Variants in VPS13C observed in about 807,000 individuals in gnomAD.
The protein encoded by VPS13C is intermembrane lipid transfer protein VPS13C.
VPS13C carries 358 observed loss-of-function variants against 456.8 expected under a neutral mutation model. The ratio of observed to expected loss-of-function variants is 0.78; its 90% CI spans 0.72 to 0.86. The LOEUF is 0.86. Among genes scored for constraint, VPS13C ranks in the 40% least tolerant of loss-of-function variants. VPS13C has a pLI of 0.00. For missense variants in VPS13C, 4,818 were observed against 4,385.4 expected, an observed-to-expected ratio of 1.10 and a Z score of -2.79; for synonymous variants, 1,578 against 1,486.7, an observed-to-expected ratio of 1.06 and a Z score of -1.41.
Position 62,013,973 on chromosome 15 carries a change from G to C in VPS13C, c.704C>G (p.Thr235Ser), listed in dbSNP as rs938924010. 9.9e-6 allele frequency: 16 copies of C among 1,610,306 alleles called. No individual in the cohort carries two copies. The African/African-American group carries it at 1.7e-4, about 18-fold the overall frequency. Residue 235 changes from threonine (T) to serine (S), a missense_variant, in exon 10 of 85, where the codon ACT (threonine) becomes AGT (serine). Physicochemically the swap from Thr to Ser is moderately conservative, Grantham distance 58. Transcript: ENST00000644861. ...GTCTGCTTCATTTAATATGCATGGA[G>C]TCCAGTGTTCATTTGCAGTCTAAAA... ...LSLLTANEHW[T>S]PCILNEADKI...
At chr15:61,860,953 CTTTTTTTTT>C (rs781045840) in intron 82 of VPS13C, among the ~76,000 whole-genome samples, 7 of 89,694 alleles carry the variant, frequency 7.8e-5, no homozygotes, top group South Asian at 4.2e-4. Context: ...TATTTTCTTT[CTTTTTTTTT>C]TTTTTTTTTT....
Position 61,854,148 on chromosome 15 carries a change from AGCCTATT to A in VPS13C, c.*302_*308del, listed in dbSNP as rs1893783531. The A allele has an allele frequency of 2.8e-6, 1 of 358,924 alleles. No individual in the cohort carries two copies. Among genetic ancestry groups the A allele is most frequent in the Non-Finnish European group, 5.1e-6 (1 of 195,912 alleles). The allele number at this position is 358,924 out of a possible 1,614,324, so 22.2% of individuals were successfully genotyped here. On this transcript the variant is annotated 3_prime_UTR_variant, in exon 85 of 85. Coordinates refer to ENST00000644861, the MANE Select transcript of VPS13C (RefSeq NM_020821.3). Reference sequence around the variant, plus strand: ...TTCAGTAAGGCTTTAATTAAATATAAGCCTATTGACCTTTGCTTCACAATTTTAATAT... The same window carrying A: ...TTCAGTAAGGCTTTAATTAAATATAAGACCTTTGCTTCACAATTTTAATAT...
intron 69 of VPS13C, 35 bp downstream of exon 69, chr15:61,882,561 G>C: frequency 3.4e-6 from 5 of 1,455,092 alleles, no homozygotes; most frequent in Non-Finnish European, 4.5e-6. Context: ...TTCCCAAAGT[G>C]ATGATAAATA....
At chr15:61,995,230 T>C (rs2046344341) in intron 16 of VPS13C, among the ~76,000 whole-genome samples, 1 of 152,216 alleles carries the variant, frequency 6.6e-6, no homozygotes, top group African/African-American at 2.4e-5. Flanking sequence ...ATAAAACTTC[T>C]GAACAAAATA....
chr15:62,004,888 G>C (rs2046777730), intron 15 of VPS13C, among the ~76,000 whole-genome samples: 1 of 152,162 alleles, frequency 6.6e-6, no homozygotes, highest in Non-Finnish European at 1.5e-5. Context: ...CTGAGAGATA[G>C]TTTGCTATAA....
intron 66 of VPS13C, 24 bp downstream of exon 66, chr15:61,907,240 G>C (rs1408941788): frequency 1.2e-6 from 2 of 1,612,958 alleles, no homozygotes; most frequent in South Asian, 1.1e-5. Flanking sequence ...AACTCATATA[G>C]CACTCATTCA....
intron 5 of VPS13C, among the ~76,000 whole-genome samples, chr15:62,033,103 G>A (rs1372196476): frequency 2.0e-5 from 3 of 151,098 alleles, no homozygotes; most frequent in African/African-American, 7.3e-5. Flanking sequence ...CAAGAACACG[G>A]GTAAACATGC....
intron 61 of VPS13C, among the ~76,000 whole-genome samples, chr15:61,914,816 C>T (rs907752990): frequency 1.4e-5 from 2 of 146,782 alleles, no homozygotes; most frequent in Admixed American, 6.8e-5. Context: ...CAGCCTCAGC[C>T]TCGCAAAGTG....
intron 5 of VPS13C, among the ~76,000 whole-genome samples, chr15:62,030,108 G>A (rs909218426): frequency 1.3e-5 from 2 of 151,984 alleles, no homozygotes; most frequent in African/African-American, 4.8e-5. Context: ...ACCAACAGAT[G>A]GGTTTACACG....
intron 15 of VPS13C, among the ~76,000 whole-genome samples, chr15:62,002,370 GT>G (rs926462131): frequency 2.0e-5 from 3 of 152,018 alleles, no homozygotes; most frequent in Non-Finnish European, 4.4e-5. Flanking sequence ...GGGGTTGTTT[GT>G]TTTTTTCTTG....
rs2047527671 is a variant in VPS13C, at chr15:62,023,354, C to T, written c.624+57G>A. ...ACAGATAATCCACATATAGAAAAGT[C>T]AAGAATATTATAAAATACATATTTA... On this transcript the variant is annotated intron_variant, in intron 8 of 84. Transcript: ENST00000644861. 14 of 1,117,654 alleles carry T rather than the reference C, an allele frequency of 1.3e-5. No individual in the cohort carries two copies. In the South Asian group the frequency reaches 2.5e-4, roughly 20 times the overall value. 69.2% of individuals were successfully genotyped at this position (1,117,654 alleles called of 1,614,324 possible).
chr15:61,914,721 C>T (rs1272416543), intron 61 of VPS13C, among the ~76,000 whole-genome samples: 1 of 150,726 alleles, frequency 6.6e-6, no homozygotes, highest in African/African-American at 2.4e-5. Flanking sequence ...CCACCACGCC[C>T]AGCTAATTTT....
chr15:62,026,413 A>T (rs947144922), intron 6 of VPS13C, among the ~76,000 whole-genome samples: 1 of 152,058 alleles, frequency 6.6e-6, no homozygotes, highest in Non-Finnish European at 1.5e-5. Context: ...CACCAATCTC[A>T]TCAGAAAAGT....
intron 45 of VPS13C, 35 bp downstream of exon 45, chr15:61,945,680 C>A: frequency 6.6e-7 from 1 of 1,513,360 alleles, no homozygotes; most frequent in Non-Finnish European, 8.9e-7. Flanking sequence ...ATATTTAGGC[C>A]TCAGTGAGGA....
intron 1 of VPS13C, among the ~76,000 whole-genome samples, chr15:62,046,382 A>G (rs1203820479): frequency 6.6e-6 from 1 of 152,222 alleles, no homozygotes; most frequent in Non-Finnish European, 1.5e-5. Flanking sequence ...AGGGGGAAAA[A>G]AGTCCTTACG....
At chr15:61,931,861 T>C (rs571592155) in intron 49 of VPS13C, among the ~76,000 whole-genome samples, 3 of 152,242 alleles carry the variant, frequency 2.0e-5, no homozygotes, top group South Asian at 2.1e-4. Context: ...ATTACAGGCA[T>C]AAGCCACTGC....
At chr15:62,048,728 A>G (rs1008506571) in intron 1 of VPS13C, among the ~76,000 whole-genome samples, 1 of 151,940 alleles carries the variant, frequency 6.6e-6, no homozygotes, top group Admixed American at 6.6e-5. Flanking sequence ...CAACAGTGTA[A>G]AAGTGTTCCT....
At chr15:61,866,220 A>G in intron 81 of VPS13C, 1 of 984,576 alleles carries the variant, frequency 1.0e-6, no homozygotes, top group African/African-American at 1.7e-5. Flanking sequence ...AAGTCCTCTC[A>G]TTAGTGTATA....
rs1461619936 is a variant in VPS13C at position 61,959,736 on chromosome 15, C to T, written c.3909-141G>A. ...TGGCTTGAGTATTTTCAAAACTGAACCTATAATTAATCTATAATCCACTAG... is the reference window on the plus strand; with the variant it reads ...TGGCTTGAGTATTTTCAAAACTGAATCTATAATTAATCTATAATCCACTAG... On this transcript the variant is annotated intron_variant, in intron 35 of 84. Transcript: ENST00000644861. 5.3e-6 allele frequency: 4 copies of T among 749,400 alleles called. No homozygotes were observed. In the African/African-American group the frequency reaches 7.0e-5, roughly 13 times the overall value. 46.4% of individuals were successfully genotyped at this position (749,400 alleles called of 1,614,324 possible). A position where few individuals can be genotyped will look rare whatever the true frequency, so the allele number is the denominator to read the frequency against.
Sources: allele counts gnomAD v4.1 joint callset (sites outside exome capture counted in the v4.1 genomes callset), GRCh38; gene constraint gnomAD v4.1.1; transcripts MANE v1.5; gene names NCBI Gene and HGNC (gene_info 2026-07-23, HGNC 2026-07-21).